SENP1: variants seen among roughly 807,000 people sequenced by gnomAD.
SENP1 encodes the protein SUMO specific peptidase 1.
A neutral mutation model predicts 93.0 loss-of-function variants in SENP1; 21 were observed. That is an observed-to-expected ratio of 0.23 (90% CI 0.16 to 0.33). The LOEUF (loss-of-function observed/expected upper bound fraction) is 0.33, where lower values mean the gene tolerates loss of function less well. Ranked by LOEUF, SENP1 falls within the 10% of genes least tolerant of loss-of-function variation. The pLI is 1.00. For missense variants in SENP1, 591 were observed against 758.7 expected (o/e 0.78, Z 2.60); for synonymous variants, 256 against 259.6 (o/e 0.99, Z 0.13).
In SENP1 at chr12:48,088,835, G is replaced by A; in HGVS notation, c.346C>T (p.Arg116Ter). Residue 116 changes from arginine to a stop codon, truncating the protein, a stop_gained, in exon 5 of 18, where the codon CGA becomes TGA. Coordinates refer to ENST00000549518, the MANE Select transcript of SENP1 (RefSeq NM_001267594.2). LOFTEE classifies it high-confidence loss of function. ...TTTCGGGTTTCGAGGTAAAGACTTCGGCTGTTTCTTGATTTTTGTAAAGAT... is the reference window on the plus strand; with the variant it reads ...TTTCGGGTTTCGAGGTAAAGACTTCAGCTGTTTCTTGATTTTTGTAAAGAT... ...SSSLQKSRNS[R>*]SLYLETRKTS... 1 of 1,609,106 alleles carries A rather than the reference G, an allele frequency of 6.2e-7. No homozygotes were observed. Among genetic ancestry groups the A allele is most frequent in the Non-Finnish European group, 8.5e-7 (1 of 1,177,626 alleles).
chr12:48,043,429 G>A lies in SENP1; in HGVS notation c.*1893C>T, dbSNP rs1299018685. On this transcript the variant is annotated 3_prime_UTR_variant, in exon 18 of 18. Transcript: ENST00000549518. ...GGTCTTTTGATTCATAGTCCAAATC[G>A]ACACCATATTGCCACCTTTCAAGTT... The A allele has an allele frequency of 6.6e-6, 1 of 152,484 alleles. No homozygotes were observed. The highest frequency in any genetic ancestry group is 1.5e-5 in the Non-Finnish European group (1 of 68,018). 9.4% of individuals were successfully genotyped at this position (152,484 alleles called of 1,614,324 possible).
chr12:48,065,307 G>C, intron 11 of SENP1, 87 bp from the exon 12 acceptor site: 1 of 1,096,782 alleles, frequency 9.1e-7, no homozygotes, highest in South Asian at 1.6e-5. Flanking sequence ...CAATAAACCT[G>C]TCATAAGTCA....
chr12:48,104,850 A>G (rs1325133651), intron 1 of SENP1, among the ~76,000 whole-genome samples: 1 of 152,216 alleles, frequency 6.6e-6, no homozygotes. Flanking sequence ...CCATCTTTGC[A>G]GTTGGGATAA....
intron 4 of SENP1, among the ~76,000 whole-genome samples, chr12:48,095,209 A>G (rs1945476278): frequency 6.6e-6 from 1 of 152,164 alleles, no homozygotes; most frequent in African/African-American, 2.4e-5. Flanking sequence ...AATAATTATT[A>G]TCTGCATTCC....
At chr12:48,078,340 C>CACACAT (rs141523302) in intron 6 of SENP1, among the ~76,000 whole-genome samples, 989 of 83,692 alleles carry the variant, frequency 0.012, 11 homozygotes, top group South Asian at 0.042. Context: ...TATATACACA[C>CACACAT]ACATATATAT....
At chr12:48,083,982 A>C (rs1354401981) in intron 5 of SENP1, among the ~76,000 whole-genome samples, 1 of 152,232 alleles carries the variant, frequency 6.6e-6, no homozygotes, top group East Asian at 1.9e-4. Context: ...CAAAATTATC[A>C]AACACTTAAA....
At chr12:48,073,565 ATACC>A (rs953269510) in intron 8 of SENP1, among the ~76,000 whole-genome samples, 3 of 152,204 alleles carry the variant, frequency 2.0e-5, no homozygotes, top group Non-Finnish European at 4.4e-5. Context: ...TACATAATAC[ATACC>A]TAAAGAAGGG....
At position 48,093,746 on chromosome 12, in the gene SENP1, A is replaced by T. The variant is rs949012908; in HGVS notation, c.220+2597T>A. On this transcript the variant is annotated intron_variant, in intron 4 of 17. Coordinates refer to ENST00000549518, the MANE Select transcript of SENP1 (RefSeq NM_001267594.2). The stretch of plus-strand genomic sequence containing the variant: ...AAAAAAAAAAAAAAAGAACATGTTG[A>T]CACATGAAAAACTATAACTATTAGC... 6.6e-5 allele frequency among the ~76,000 whole-genome samples: 10 copies of T among 151,138 alleles called. No homozygotes were observed. The East Asian group carries it at 1.9e-3, about 29-fold the overall frequency.
intron 9 of SENP1, among the ~76,000 whole-genome samples, chr12:48,069,152 C>CAAAAAAAAAAAAAAA (rs10564674): frequency 7.9e-4 from 60 of 76,342 alleles, no homozygotes; most frequent in African/African-American, 1.4e-3. Flanking sequence ...GACTCTGTCA[C>CAAAAAAAAAAAAAAA]AAAAAAAAAA....
At chr12:48,070,071 C>G (rs1943578541) in intron 9 of SENP1, among the ~76,000 whole-genome samples, 1 of 152,134 alleles carries the variant, frequency 6.6e-6, no homozygotes. Context: ...GTATTTGATA[C>G]CTCCAGATAA....
chr12:48,089,362 A>C, intron 4 of SENP1: 1 of 1,295,326 alleles, frequency 7.7e-7, no homozygotes, highest in Non-Finnish European at 1.0e-6. Context: ...ATTCAAATGA[A>C]CAACAGTTAT....
At chr12:48,065,717 A>G (rs971795157) in intron 10 of SENP1, 37 bp from the exon 11 acceptor site, 1 of 1,292,678 alleles carries the variant, frequency 7.7e-7, no homozygotes, top group African/African-American at 1.5e-5. Context: ...AATGTAGACC[A>G]CTCTCATTAT....
intron 13 of SENP1, among the ~76,000 whole-genome samples, chr12:48,060,221 T>C (rs955718818): frequency 3.9e-5 from 6 of 152,246 alleles, no homozygotes; most frequent in Admixed American, 1.3e-4. Context: ...TCTAGTTAAG[T>C]TGAAAGGGTA....
intron 2 of SENP1, among the ~76,000 whole-genome samples, chr12:48,100,038 G>T (rs1945818666): frequency 1.3e-5 from 2 of 152,138 alleles, no homozygotes; most frequent in African/African-American, 4.8e-5. Flanking sequence ...CAAATGAACA[G>T]GGAAGGAGAA....
intron 4 of SENP1, among the ~76,000 whole-genome samples, chr12:48,092,842 T>C (rs187785675): frequency 6.6e-6 from 1 of 152,304 alleles, no homozygotes; most frequent in Admixed American, 6.5e-5. Flanking sequence ...TGGCCAAATA[T>C]TACATTAGGA....
chr12:48,076,053 T>G (rs1251452253), intron 6 of SENP1, among the ~76,000 whole-genome samples: 1 of 152,218 alleles, frequency 6.6e-6, no homozygotes, highest in African/African-American at 2.4e-5. Context: ...AGAACCAGAT[T>G]ACATAAGGAC....
rs1385704835 is a variant in SENP1, at chr12:48,074,386, T to C, written c.878A>G (p.His293Arg). Reference protein sequence around the residue: ...SKDSGTLHHPHHHHSVPHQPD... With the variant: ...SKDSGTLHHPRHHHSVPHQPD... Reference sequence around the variant, plus strand: ...CTGATGTGGAACAGAGTGGTGATGATGGGGATGATGAAGAGTACCAGAATC... The same window carrying C: ...CTGATGTGGAACAGAGTGGTGATGACGGGGATGATGAAGAGTACCAGAATC... The change falls in exon 8 of 18, where the codon CAT becomes CGT. Residue 293 changes from histidine (H) to arginine (R), a missense_variant. His to Arg is a conservative substitution (Grantham distance 29, BLOSUM62 0). Around this residue, in one of 4 missense-constraint regions of SENP1, gnomAD observed 238 missense variants for 259.1 expected, o/e 0.92. Coordinates refer to ENST00000549518, the MANE Select transcript of SENP1 (RefSeq NM_001267594.2). 3 of 1,613,698 alleles carry C rather than the reference T, an allele frequency of 1.9e-6. No individual in the cohort carries two copies. The highest frequency in any genetic ancestry group is 1.1e-5 in the South Asian group (1 of 91,076).
intron 13 of SENP1, among the ~76,000 whole-genome samples, chr12:48,058,361 T>G (rs1269830549): frequency 6.6e-6 from 1 of 152,228 alleles, no homozygotes; most frequent in Non-Finnish European, 1.5e-5. Flanking sequence ...GTGGTTGAGT[T>G]TAAATCTACC....
intron 4 of SENP1, among the ~76,000 whole-genome samples, chr12:48,094,614 A>G (rs1945432809): frequency 6.6e-6 from 1 of 152,128 alleles, no homozygotes; most frequent in Non-Finnish European, 1.5e-5. Flanking sequence ...CAGGAGGCGG[A>G]GGTTGCAGTG....
Sources: gnomAD v4.1 joint callset for allele counts (sites outside exome capture counted in the v4.1 genomes callset) on GRCh38, gnomAD v4.1.1 for gene constraint, gnomAD v4.1.1 regional missense constraint, MANE v1.5 for transcripts, NCBI Gene and HGNC (gene_info 2026-07-23, HGNC 2026-07-21) for gene names.